Variants in RBFOX1 observed in about 807,000 individuals in gnomAD.
RBFOX1 encodes the protein RNA binding protein fox-1 homolog 1.
In RBFOX1, 8 loss-of-function variants were observed where a neutral mutation model predicts 57.7. That is an observed-to-expected ratio of 0.14 (90% CI 0.08 to 0.25). The LOEUF (loss-of-function observed/expected upper bound fraction) is 0.25. Ranked by LOEUF, RBFOX1 falls within the 10% of genes least tolerant of loss-of-function variation. The pLI is 1.00. For synonymous variants in RBFOX1, 326 were observed against 222.4 expected, an observed-to-expected ratio of 1.47 and a Z score of -4.15; for missense variants, 611 against 548.5, an observed-to-expected ratio of 1.11 and a Z score of -1.14.
chr16:6,914,384 A>G (rs139781398), intron 3 of RBFOX1, among the ~76,000 whole-genome samples: 1,625 of 152,200 alleles, frequency 0.011, 28 homozygotes, highest in African/African-American at 0.037. Flanking sequence ...ACTTTTCATG[A>G]TTCAGAATCT....
chr16:7,001,965 G>A lies in RBFOX1; in HGVS notation c.-15-50092G>A, dbSNP rs138003516. Among the ~76,000 whole-genome samples the A allele has an allele frequency of 2.7e-3, 408 of 152,150 alleles. 4 individuals are homozygous for A. Among genetic ancestry groups the A allele is most frequent in the African/African-American group, 9.3e-3 (387 of 41,524 alleles). ...TCCTGGAGTTTCTTCTTGTGCACACGATTGAGCACGTGAGTGAACTCCTGG... is the reference window on the plus strand; with the variant it reads ...TCCTGGAGTTTCTTCTTGTGCACACAATTGAGCACGTGAGTGAACTCCTGG... On this transcript the variant is annotated intron_variant, in intron 3 of 15. Coordinates refer to ENST00000550418, the MANE Select transcript of RBFOX1 (RefSeq NM_018723.4).
At chr16:6,090,046 G>T (rs1020086604) in intron 1 of RBFOX1, 2 of 152,124 alleles carry the variant, frequency 1.3e-5, no homozygotes. Flanking sequence ...GTGGCTTTGG[G>T]TACAGTCCCT....
intron 14 of RBFOX1, among the ~76,000 whole-genome samples, chr16:7,705,162 G>A (rs1037869474): frequency 6.6e-6 from 1 of 152,094 alleles, no homozygotes; most frequent in African/African-American, 2.4e-5. Flanking sequence ...GGGTGAGCAA[G>A]TGCCAAGACT....
chr16:5,642,743 C>G (rs1354880271), intron 3 of RBFOX1, among the ~76,000 whole-genome samples: 2 of 152,098 alleles, frequency 1.3e-5, no homozygotes, highest in Non-Finnish European at 2.9e-5. Context: ...GGAGGGGCCT[C>G]TCTTCCTTGC....
At chr16:7,081,566 G>A (rs555890334) in intron 4 of RBFOX1, among the ~76,000 whole-genome samples, 51 of 152,254 alleles carry the variant, frequency 3.3e-4, no homozygotes, top group African/African-American at 1.2e-3. Flanking sequence ...TTATATGGAG[G>A]ACATTATTTA....
chr16:6,945,638 C>T (rs946659095), intron 3 of RBFOX1, among the ~76,000 whole-genome samples: 4 of 152,006 alleles, frequency 2.6e-5, no homozygotes, highest in Non-Finnish European at 4.4e-5. Flanking sequence ...CGCCTGTAAT[C>T]CCAGCACTTT....
intron 4 of RBFOX1, among the ~76,000 whole-genome samples, chr16:7,171,994 A>T (rs781324144): frequency 6.6e-6 from 1 of 152,204 alleles, no homozygotes. Flanking sequence ...TAGTAGGAAG[A>T]ATCCTACATT....
At chr16:6,260,095 C>G (rs908474083) in intron 1 of RBFOX1, among the ~76,000 whole-genome samples, 1 of 152,122 alleles carries the variant, frequency 6.6e-6, no homozygotes, top group Non-Finnish European at 1.5e-5. Flanking sequence ...ATAGCCACCA[C>G]TGTAAATCTG....
intron 2 of RBFOX1, among the ~76,000 whole-genome samples, chr16:6,397,918 A>G (rs1382673642): frequency 1.3e-5 from 2 of 152,228 alleles, no homozygotes; most frequent in African/African-American, 2.4e-5. Context: ...GAAATAATAG[A>G]TATATCACTT....
At chr16:6,239,825 T>A (rs1233182884) in intron 1 of RBFOX1, among the ~76,000 whole-genome samples, 1 of 152,148 alleles carries the variant, frequency 6.6e-6, no homozygotes, top group Admixed American at 6.5e-5. Flanking sequence ...CATTTTCTTT[T>A]TTTGAATTGA....
intron 1 of RBFOX1, among the ~76,000 whole-genome samples, chr16:5,371,296 A>C (rs887765516): frequency 6.6e-6 from 1 of 152,152 alleles, no homozygotes; most frequent in Non-Finnish European, 1.5e-5. Context: ...GGCCCTTAAG[A>C]AGGGCCCTCA....
chr16:5,827,008 G>T (rs570806818), intron 3 of RBFOX1, among the ~76,000 whole-genome samples: 5 of 152,282 alleles, frequency 3.3e-5, no homozygotes, highest in Non-Finnish European at 5.9e-5. Flanking sequence ...ATCTCCCAGA[G>T]AAGCCTATCT....
chr16:7,551,544 A>G (rs528383440), intron 5 of RBFOX1, among the ~76,000 whole-genome samples: 1 of 152,326 alleles, frequency 6.6e-6, no homozygotes, highest in African/African-American at 2.4e-5. Flanking sequence ...GTTTTGAGGG[A>G]AATGGTCAAT....
intron 4 of RBFOX1, among the ~76,000 whole-genome samples, chr16:5,988,198 T>C (rs1195277141): frequency 6.6e-6 from 1 of 152,228 alleles, no homozygotes; most frequent in East Asian, 1.9e-4. Flanking sequence ...ATATGAAATA[T>C]CTGTTCATCA....
intron 3 of RBFOX1, among the ~76,000 whole-genome samples, chr16:6,992,997 C>T (rs1309515076): frequency 6.6e-6 from 1 of 152,122 alleles, no homozygotes; most frequent in Admixed American, 6.5e-5. Flanking sequence ...GAGAGCCTGA[C>T]CCTGGGAATA....
chr16:5,382,220 T>C (rs888981004), intron 1 of RBFOX1, among the ~76,000 whole-genome samples: 1 of 152,240 alleles, frequency 6.6e-6, no homozygotes, highest in African/African-American at 2.4e-5. Flanking sequence ...GACAACATTG[T>C]CTCTAATGCT....
chr16:5,547,646 C>T (rs2045267597), intron 2 of RBFOX1, among the ~76,000 whole-genome samples: 2 of 152,102 alleles, frequency 1.3e-5, no homozygotes, highest in South Asian at 4.1e-4. Context: ...CAGAGAGGCA[C>T]AAATTCATTA....
intron 3 of RBFOX1, among the ~76,000 whole-genome samples, chr16:6,775,354 T>G (rs1391929560): frequency 1.1e-4 from 12 of 110,014 alleles, no homozygotes; most frequent in Non-Finnish European, 1.8e-4. Flanking sequence ...AAAAAAAAAG[T>G]AGACAAAAAG....
intron 4 of RBFOX1, among the ~76,000 whole-genome samples, chr16:5,957,529 T>C (rs2059669183): frequency 6.6e-6 from 1 of 152,166 alleles, no homozygotes; most frequent in Admixed American, 6.5e-5. Flanking sequence ...CCAGCCATAA[T>C]TTCTAATTGT....
Sources: allele counts gnomAD v4.1 joint callset (sites outside exome capture counted in the v4.1 genomes callset), GRCh38; gene constraint gnomAD v4.1.1; transcripts MANE v1.5; gene names NCBI Gene and HGNC (gene_info 2026-07-23, HGNC 2026-07-21).